The following C11orf71 variants were observed in gnomAD, a reference collection of about 807,000 sequenced individuals.
The protein encoded by C11orf71 is uncharacterized protein C11orf71.
For synonymous variants in C11orf71, 72 were observed against 73.4 expected (o/e 0.98, Z 0.09); for missense variants, 179 against 167.6 (o/e 1.07, Z -0.38).
At chr11:114,394,369 A>C (rs1348127437), downstream of C11orf71, among the ~76,000 whole-genome samples, 2 of 147,822 alleles carry the variant, frequency 1.4e-5, no homozygotes, top group African/African-American at 2.5e-5. Context: ...ATCTTGGCTC[A>C]CTGCAACTTC....
In C11orf71 at chr11:114,399,173, A is replaced by G. The variant is rs1324089128; in HGVS notation, c.*787T>C. On this transcript the variant is annotated 3_prime_UTR_variant, in exon 1 of 1. Transcript: ENST00000623205. ...CTCCCCATCTAGAATATACTCCGTG[A>G]TCTTTCTTGATGGCCAGACTGTGTA... 2 of 152,130 alleles carry G rather than the reference A, an allele frequency of 1.3e-5. No individual in the cohort carries two copies. The highest frequency in any genetic ancestry group is 4.8e-5 in the African/African-American group (2 of 41,428). The allele number at this position is 152,130 out of a possible 1,614,324, so 9.4% of individuals were successfully genotyped here.
chr11:114,394,228 CTTTCTTTTCTTTTCTT>C (rs1946102829), downstream of C11orf71, among the ~76,000 whole-genome samples: 1 of 48,704 alleles, frequency 2.1e-5, no homozygotes, highest in African/African-American at 1.0e-4. Flanking sequence ...CTTTTCTTTT[CTTTCTTTTCTTTTCTT>C]TTCTTTTCTT....
downstream of C11orf71, among the ~76,000 whole-genome samples, chr11:114,394,231 TC>T (rs1165084565): frequency 2.2e-5 from 1 of 44,852 alleles, no homozygotes; most frequent in African/African-American, 2.4e-4. Context: ...TTCTTTTCTT[TC>T]TTTTCTTTTC....
At chr11:114,398,507 T>G (rs140155682), downstream of C11orf71, 1 of 152,262 alleles carries the variant, frequency 6.6e-6, no homozygotes, top group Non-Finnish European at 1.5e-5. Context: ...TCAAATAACA[T>G]ATAAAGTTCC....
downstream of C11orf71, among the ~76,000 whole-genome samples, chr11:114,397,320 A>G (rs895776434): frequency 9.9e-5 from 15 of 152,202 alleles, no homozygotes; most frequent in African/African-American, 3.6e-4. Context: ...GTTTAATAAT[A>G]TGGTCTGCTC....
chr11:114,393,175 C>T (rs1946086086), intron 1 of C11orf71, among the ~76,000 whole-genome samples: 1 of 152,210 alleles, frequency 6.6e-6, no homozygotes, highest in African/African-American at 2.4e-5. Flanking sequence ...ATTTCAACAA[C>T]AACTTAACAT....
chr11:114,391,891 T>C (rs540265225), intron 1 of C11orf71, among the ~76,000 whole-genome samples: 3 of 151,226 alleles, frequency 2.0e-5, no homozygotes, highest in African/African-American at 4.9e-5. Context: ...ACATCAGGGA[T>C]AGACACGTAG....
At position 114,400,467 on chromosome 11, in the gene C11orf71, G is replaced by A; in HGVS notation, c.-136C>T. 7.6e-7 allele frequency: 1 copy of A among 1,310,050 alleles called. No homozygotes were observed. Among genetic ancestry groups the A allele is most frequent in the Non-Finnish European group, 1.0e-6 (1 of 971,124 alleles). The allele number at this position is 1,310,050 out of a possible 1,614,324, so 81.2% of individuals were successfully genotyped here. A position where few individuals can be genotyped will look rare whatever the true frequency, so the allele number is the denominator to read the frequency against. Reference sequence around the variant, plus strand: ...AACCCATAACTGAGCCTGCGGAAGAGCCAGAAGCCGCCTTGCCTTTAACGA... The same window carrying A: ...AACCCATAACTGAGCCTGCGGAAGAACCAGAAGCCGCCTTGCCTTTAACGA... On this transcript the variant is annotated 5_prime_UTR_variant, in exon 1 of 1. Transcript: ENST00000623205.
chr11:114,394,189 T>TTTTC (rs1946097324), downstream of C11orf71, among the ~76,000 whole-genome samples: 10 of 43,708 alleles, frequency 2.3e-4, no homozygotes, highest in Middle Eastern at 0.013. Flanking sequence ...GTTTCTTTTC[T>TTTTC]TTTCTTTTCT....
At chr11:114,397,323 G>T (rs1012938985), downstream of C11orf71, among the ~76,000 whole-genome samples, 1 of 152,024 alleles carries the variant, frequency 6.6e-6, no homozygotes, top group Non-Finnish European at 1.5e-5. Flanking sequence ...TAATAATATG[G>T]TCTGCTCTTG....
chr11:114,392,548 A>AAAAAAAAGAAG (rs1461395379), intron 1 of C11orf71, among the ~76,000 whole-genome samples: 3 of 124,838 alleles, frequency 2.4e-5, no homozygotes, highest in South Asian at 2.4e-4. Context: ...AAAAAAAAAA[A>AAAAAAAAGAAG]AAGAAGAAGA....
intron 1 of C11orf71, among the ~76,000 whole-genome samples, chr11:114,392,547 A>AAAAAAAAAAG (rs1555023952): frequency 2.1e-5 from 3 of 145,112 alleles, no homozygotes; most frequent in South Asian, 2.2e-4. Context: ...AAAAAAAAAA[A>AAAAAAAAAAG]AAAGAAGAAG....
downstream of C11orf71, among the ~76,000 whole-genome samples, chr11:114,396,682 T>C (rs1172344886): frequency 6.6e-6 from 1 of 152,188 alleles, no homozygotes; most frequent in African/African-American, 2.4e-5. Flanking sequence ...TGGTACTGAG[T>C]CAAAGGTATT....
downstream of C11orf71, among the ~76,000 whole-genome samples, chr11:114,396,668 C>T (rs189217092): frequency 5.1e-4 from 78 of 152,246 alleles, no homozygotes; most frequent in African/African-American, 1.8e-3. Flanking sequence ...GGAAAGGACA[C>T]AGGTGGTACT....
downstream of C11orf71, among the ~76,000 whole-genome samples, chr11:114,393,585 A>G (rs925235118): frequency 3.3e-5 from 5 of 152,244 alleles, no homozygotes; most frequent in Admixed American, 3.3e-4. Flanking sequence ...TTTGAAGATG[A>G]AATACACAAA....
At chr11:114,393,917 T>C (rs1946091184), downstream of C11orf71, among the ~76,000 whole-genome samples, 1 of 152,212 alleles carries the variant, frequency 6.6e-6, no homozygotes, top group African/African-American at 2.4e-5. Flanking sequence ...ATCCCTGTCA[T>C]AGCATGATTG....
downstream of C11orf71, among the ~76,000 whole-genome samples, chr11:114,394,273 T>TC (rs1565256738): frequency 8.9e-5 from 7 of 78,488 alleles, no homozygotes; most frequent in African/African-American, 5.1e-4. Context: ...TTTTCTTTTC[T>TC]TTTCTTTTCT....
chr11:114,399,983 T>C lies in C11orf71; in HGVS notation c.349A>G (p.Ile117Val), dbSNP rs748075015. Residue 117 changes from isoleucine to valine, a missense_variant, in exon 1 of 1, where the codon ATC (isoleucine) becomes GTC (valine). Ile to Val is a conservative substitution (Grantham distance 29, BLOSUM62 3). Transcript: ENST00000623205. ...QQRLIALGGV[I>V]AARISV ...GTTTAAACTGAAATTCGAGCTGCGA[T>C]AACACCTCCTAATGCAATCAAACGC... is the stretch of plus-strand genomic sequence containing the variant. 10 of 1,602,296 alleles carry C rather than the reference T, an allele frequency of 6.2e-6. No homozygotes were observed. Among genetic ancestry groups the C allele is most frequent in the Non-Finnish European group, 7.7e-6 (9 of 1,170,636 alleles).
At chr11:114,394,241 TCTTTTCTTTTCTTTTCTTTTCTTTTC>T (rs1946104609), downstream of C11orf71, among the ~76,000 whole-genome samples, 1 of 58,622 alleles carries the variant, frequency 1.7e-5, no homozygotes, top group African/African-American at 1.4e-4. Context: ...TCTTTTCTTT[TCTTTTCTTTTCTTTTCTTTTCTTTTC>T]TTTTCTTTTC....
Sources: allele counts gnomAD v4.1 joint callset (sites outside exome capture counted in the v4.1 genomes callset), GRCh38; gene constraint gnomAD v4.1.1; transcripts MANE v1.5; gene names NCBI Gene and HGNC (gene_info 2026-07-23, HGNC 2026-07-21).